Variants in RAPGEF6 observed in about 807,000 individuals in gnomAD.
RAPGEF6 encodes the protein PDZ domain containing guanine nucleotide exchange factor (GEF) 2.
In RAPGEF6, 56 loss-of-function variants were observed where a neutral mutation model predicts 171.4. The ratio of observed to expected loss-of-function variants is 0.33; its 90% CI spans 0.26 to 0.41. RAPGEF6 has a LOEUF of 0.41. Ranked by LOEUF, RAPGEF6 falls within the 10% of genes least tolerant of loss-of-function variation. The pLI, the probability that RAPGEF6 is intolerant of heterozygous loss-of-function variation, is 1.00. For missense variants in RAPGEF6, 1,674 were observed against 1,921.4 expected (o/e 0.87, Z 2.41); for synonymous variants, 692 against 650.1 (o/e 1.06, Z -0.98).
At chr5:131,502,729 C>T (rs1757106579) in intron 11 of RAPGEF6, among the ~76,000 whole-genome samples, 1 of 152,220 alleles carries the variant, frequency 6.6e-6, no homozygotes, top group African/African-American at 2.4e-5. Flanking sequence ...GGACAACACT[C>T]TAGACCAGAA....
At chr5:131,455,366 C>T (rs1199846380) in intron 20 of RAPGEF6, among the ~76,000 whole-genome samples, 1 of 152,220 alleles carries the variant, frequency 6.6e-6, no homozygotes, top group East Asian at 1.9e-4. Context: ...TCCTGCCATT[C>T]TCCTGCCTCA....
chr5:131,614,637 C>A (rs1561608627), intron 1 of RAPGEF6, among the ~76,000 whole-genome samples: 2 of 152,318 alleles, frequency 1.3e-5, no homozygotes, highest in Non-Finnish European at 1.5e-5. Flanking sequence ...GATTACAATT[C>A]AACGTGAGAT....
intron 6 of RAPGEF6, among the ~76,000 whole-genome samples, chr5:131,522,497 T>G (rs948403501): frequency 3.3e-5 from 5 of 152,202 alleles, no homozygotes; most frequent in Admixed American, 3.3e-4. Context: ...AAATGTATTC[T>G]GAGGGAATGA....
intron 14 of RAPGEF6, among the ~76,000 whole-genome samples, chr5:131,491,285 TA>T (rs1388769963): frequency 2.6e-5 from 4 of 152,116 alleles, no homozygotes; most frequent in Non-Finnish European, 5.9e-5. Context: ...GTCATAATAA[TA>T]AAAAATATCT....
chr5:131,452,342 G>T (rs960515806), intron 21 of RAPGEF6, among the ~76,000 whole-genome samples: 2 of 151,932 alleles, frequency 1.3e-5, no homozygotes, highest in African/African-American at 4.8e-5. Context: ...AAAATATCAG[G>T]TTAATACAGA....
chr5:131,465,584 C>G (rs1006632504), intron 17 of RAPGEF6, among the ~76,000 whole-genome samples: 1 of 151,978 alleles, frequency 6.6e-6, no homozygotes, highest in Non-Finnish European at 1.5e-5. Flanking sequence ...GAGTTCGAGA[C>G]CAGCCTGGAT....
At chr5:131,630,919 A>G (rs1309699704) in intron 1 of RAPGEF6, among the ~76,000 whole-genome samples, 1 of 152,216 alleles carries the variant, frequency 6.6e-6, no homozygotes, top group Non-Finnish European at 1.5e-5. Flanking sequence ...AGGAAAAATA[A>G]GCCAAACAAA....
intron 5 of RAPGEF6, among the ~76,000 whole-genome samples, chr5:131,554,327 A>T (rs955660709): frequency 6.6e-6 from 1 of 152,346 alleles, no homozygotes; most frequent in Non-Finnish European, 1.5e-5. Context: ...AACATAATAC[A>T]AGTGTTACTA....
chr5:131,578,126 G>T (rs1039918623), intron 4 of RAPGEF6, among the ~76,000 whole-genome samples: 1 of 152,072 alleles, frequency 6.6e-6, no homozygotes, highest in Admixed American at 6.5e-5. Flanking sequence ...CTCTCTCTTG[G>T]AGTGGATAGA....
At chr5:131,479,454 A>C in intron 16 of RAPGEF6, 59 bp downstream of exon 16, 1 of 1,585,544 alleles carries the variant, frequency 6.3e-7, no homozygotes, top group Non-Finnish European at 8.6e-7. Context: ...CCCCACCCCA[A>C]ATAAAAACTT....
rs370167710 is a variant in RAPGEF6, at chr5:131,446,644, T to C, written c.3260A>G (p.Lys1087Arg). Residue 1087 changes from lysine to arginine, a missense_variant, in exon 22 of 28, where the codon AAA becomes AGA. Physicochemically the swap from Lys to Arg is conservative, Grantham distance 26. Transcript: ENST00000509018. ...NMLDVQGGAH[K>R]KRARRSSLLN... is the part of the protein sequence containing the mutation. ...CAGAGAGCTGCGGCGTGCCCTTTTT[T>C]TGTGAGCACCTCCCTGAACATCCAG... The C allele has an allele frequency of 1.1e-5, 18 of 1,614,128 alleles. No individual in the cohort carries two copies. In the East Asian group the frequency reaches 2.7e-4, roughly 24 times the overall value.
In RAPGEF6 at chr5:131,425,972, C is replaced by T. The variant is rs943607841; in HGVS notation, c.*1294G>A. ...CATTAAAAAAACTGAAAAAATTAAACTTAATATATATAAAATATATTTAAT... is the reference window on the plus strand; with the variant it reads ...CATTAAAAAAACTGAAAAAATTAAATTTAATATATATAAAATATATTTAAT... On this transcript the variant is annotated 3_prime_UTR_variant, in exon 28 of 28. Transcript: ENST00000509018. 1.7e-5 allele frequency: 2 copies of T among 120,932 alleles called. No individual in the cohort carries two copies. Among genetic ancestry groups the T allele is most frequent in the South Asian group, 2.8e-4 (1 of 3,556 alleles). The allele number at this position is 120,932 out of a possible 1,614,324, so 7.5% of individuals were successfully genotyped here.
At chr5:131,525,717 T>C (rs991747131) in intron 6 of RAPGEF6, among the ~76,000 whole-genome samples, 4 of 151,230 alleles carry the variant, frequency 2.6e-5, no homozygotes, top group African/African-American at 9.7e-5. Flanking sequence ...ACACTGAAAA[T>C]AGTTTCAAAA....
chr5:131,607,490 A>G (rs569906675), intron 1 of RAPGEF6, among the ~76,000 whole-genome samples: 2 of 152,324 alleles, frequency 1.3e-5, no homozygotes, highest in African/African-American at 4.8e-5. Flanking sequence ...AGAAGATCAG[A>G]AAAAAATCTG....
At chr5:131,533,210 ACACC>A (rs1759523813) in intron 6 of RAPGEF6, among the ~76,000 whole-genome samples, 1 of 145,434 alleles carries the variant, frequency 6.9e-6, no homozygotes, top group East Asian at 2.1e-4. Context: ...ACACACACAC[ACACC>A]CCATCCTCCT....
At chr5:131,518,104 T>A (rs1758218710) in intron 7 of RAPGEF6, among the ~76,000 whole-genome samples, 1 of 152,088 alleles carries the variant, frequency 6.6e-6, no homozygotes, top group African/African-American at 2.4e-5. Context: ...GTTCTTGAAC[T>A]CGGATTTACA....
intron 17 of RAPGEF6, among the ~76,000 whole-genome samples, chr5:131,471,826 C>A (rs1389813360): frequency 1.3e-5 from 2 of 152,064 alleles, no homozygotes; most frequent in African/African-American, 4.8e-5. Flanking sequence ...CAATACATGA[C>A]AAATACAACT....
In RAPGEF6 at chr5:131,456,012, A is replaced by G; in HGVS notation, c.2865T>C (p.Ser955=). 6.2e-6 allele frequency: 10 copies of G among 1,613,572 alleles called. No individual in the cohort carries two copies. Among genetic ancestry groups the G allele is most frequent in the Non-Finnish European group, 8.5e-6 (10 of 1,179,692 alleles). The change falls in exon 20 of 28, where the codon AGT becomes AGC. Residue 955 remains serine (S), a splice_region_variant and synonymous_variant. Coordinates refer to ENST00000509018, the MANE Select transcript of RAPGEF6 (RefSeq NM_016340.6). Reference sequence around the variant, plus strand: ...TTGCTACAGATGCCAGGTTCAAGCCACTGCCAAAGATGAGAATAGAAACAT... The same window carrying G: ...TTGCTACAGATGCCAGGTTCAAGCCGCTGCCAAAGATGAGAATAGAAACAT... ...KNFNSMFAII[S]GLNLASVARL... is the part of the protein sequence containing the mutation.
chr5:131,592,605 T>C (rs1465154817), intron 3 of RAPGEF6, 139 bp from the exon 4 acceptor site: 34 of 1,416,272 alleles, frequency 2.4e-5, no homozygotes, highest in Non-Finnish European at 3.2e-5. Flanking sequence ...TGGAATATTT[T>C]GCCTGTTGCC....
Sources: allele counts gnomAD v4.1 joint callset (sites outside exome capture counted in the v4.1 genomes callset), GRCh38; gene constraint gnomAD v4.1.1; transcripts MANE v1.5; gene names NCBI Gene and HGNC (gene_info 2026-07-23, HGNC 2026-07-21).